KATNA1: variants seen among roughly 807,000 people sequenced by gnomAD.
The protein encoded by KATNA1 is katanin catalytic subunit A1.
KATNA1 carries 42 observed loss-of-function variants against 62.6 expected under a neutral mutation model. That is an observed-to-expected ratio of 0.67 (90% CI 0.52 to 0.87). The LOEUF is 0.87. Among genes scored for constraint, KATNA1 ranks in the 40% least tolerant of loss-of-function variants. KATNA1 has a pLI of 0.00. For synonymous variants in KATNA1, 186 were observed against 201.9 expected (o/e 0.92, Z 0.67); for missense variants, 498 against 612.5 (o/e 0.81, Z 1.97).
intron 10 of KATNA1, 109 bp from the exon 11 acceptor site, chr6:149,595,343 A>ATATT (rs1429903639): frequency 2.9e-6 from 2 of 692,650 alleles, no homozygotes; most frequent in East Asian, 5.4e-5. Context: ...TTCTCTAATT[A>ATATT]TATTACATAT....
rs146408561 is a variant in KATNA1, at chr6:149,601,030, G to A, written c.888+564C>T. On this transcript the variant is annotated intron_variant, in intron 7 of 10. Coordinates refer to ENST00000367411, the MANE Select transcript of KATNA1 (RefSeq NM_007044.4). ...TCTGTTTCTTAGAGGCAAGAGTGAC[G>A]TAATCAGTGAAGCTTAACAAAGTCT... Among the ~76,000 whole-genome samples, 23 of 152,266 alleles carry A rather than the reference G, an allele frequency of 1.5e-4. 1 individual carries two copies. Among genetic ancestry groups the A allele is most frequent in the African/African-American group, 5.1e-4 (21 of 41,554 alleles).
Position 149,595,057 on chromosome 6 carries a change from T to C in KATNA1, c.1455A>G (p.Ile485Met). ...GAATTTAGCATGATCCAAACTCAAA[T>C]ATCCATTTCTCGTATCTTTCAATGT... is the stretch of plus-strand genomic sequence containing the variant. Reference protein sequence around the residue: ...AADIERYEKWIFEFGSC With the variant: ...AADIERYEKWMFEFGSC Residue 485 changes from isoleucine (I) to methionine (M), a missense_variant, in exon 11 of 11, where the codon ATA (isoleucine) becomes ATG (methionine). This residue lies in a region of KATNA1 where 267 missense variants were observed against 372.6 expected (regional missense o/e 0.72). Transcript: ENST00000367411. 6.2e-7 allele frequency: 1 copy of C among 1,613,970 alleles called. No individual in the cohort carries two copies. The highest frequency in any genetic ancestry group is 8.5e-7 in the Non-Finnish European group (1 of 1,179,914).
At chr6:149,645,315 C>T (rs1159286363) in intron 1 of KATNA1, among the ~76,000 whole-genome samples, 2 of 151,956 alleles carry the variant, frequency 1.3e-5, no homozygotes, top group Non-Finnish European at 2.9e-5. Context: ...TGGTGGCCAG[C>T]GCCTGTAGTC....
At chr6:149,596,115 A>C (rs2115071343) in intron 10 of KATNA1, among the ~76,000 whole-genome samples, 1 of 152,326 alleles carries the variant, frequency 6.6e-6, no homozygotes, top group Non-Finnish European at 1.5e-5. Context: ...AATTTATCCT[A>C]ACATTAGCTT....
intron 4 of KATNA1, among the ~76,000 whole-genome samples, chr6:149,609,802 C>CAAAAAAAAAAAA (rs1169018343): frequency 4.6e-5 from 3 of 64,530 alleles, no homozygotes; most frequent in African/African-American, 6.9e-5. Context: ...GACTCCATCT[C>CAAAAAAAAAAAA]AAAAAAAAAA....
At chr6:149,622,275 G>A (rs547866257) in intron 4 of KATNA1, among the ~76,000 whole-genome samples, 2 of 152,190 alleles carry the variant, frequency 1.3e-5, no homozygotes, top group South Asian at 2.1e-4. Context: ...TGGGACTACA[G>A]GCGCCCGCCA....
chr6:149,598,046 C>A, intron 8 of KATNA1, 178 bp downstream of exon 8: 1 of 621,158 alleles, frequency 1.6e-6, no homozygotes, highest in Non-Finnish European at 2.7e-6. Context: ...TGTCAGTGTA[C>A]CAAATCTATT....
At chr6:149,628,706 G>A (rs1479357180) in intron 3 of KATNA1, among the ~76,000 whole-genome samples, 1 of 151,820 alleles carries the variant, frequency 6.6e-6, no homozygotes, top group Non-Finnish European at 1.5e-5. Flanking sequence ...TGTAGTCCCA[G>A]CTACATGGGA....
chr6:149,632,003 A>C (rs1385204614), intron 3 of KATNA1, among the ~76,000 whole-genome samples: 4 of 152,138 alleles, frequency 2.6e-5, no homozygotes, highest in Non-Finnish European at 4.4e-5. Flanking sequence ...ATTTAGAAAA[A>C]TTTTCCATTT....
At chr6:149,618,536 C>T (rs1779269933) in intron 4 of KATNA1, among the ~76,000 whole-genome samples, 3 of 151,936 alleles carry the variant, frequency 2.0e-5, no homozygotes, top group Admixed American at 2.0e-4. Context: ...CCAAAGAGAT[C>T]CTGAGCAAAA....
intron 5 of KATNA1, among the ~76,000 whole-genome samples, 161 bp downstream of exon 5, chr6:149,604,500 C>G (rs941385626): frequency 6.6e-6 from 1 of 152,060 alleles, no homozygotes; most frequent in Non-Finnish European, 1.5e-5. Flanking sequence ...GACTCTCAGA[C>G]AAAAATTGGA....
At chr6:149,606,469 G>A (rs774378510) in intron 4 of KATNA1, among the ~76,000 whole-genome samples, 7 of 152,070 alleles carry the variant, frequency 4.6e-5, no homozygotes, top group Non-Finnish European at 8.8e-5. Flanking sequence ...AACTGGTGCT[G>A]TCTAATGCCA....
At chr6:149,619,834 G>C (rs1039557036) in intron 4 of KATNA1, among the ~76,000 whole-genome samples, 1 of 152,006 alleles carries the variant, frequency 6.6e-6, no homozygotes, top group Non-Finnish European at 1.5e-5. Context: ...AGATTATATG[G>C]TAGTTCTAGT....
At chr6:149,608,576 A>G (rs1778829245) in intron 4 of KATNA1, among the ~76,000 whole-genome samples, 1 of 152,182 alleles carries the variant, frequency 6.6e-6, no homozygotes, top group Non-Finnish European at 1.5e-5. Context: ...AGGACTTTCT[A>G]CTTCTGGAAG....
Position 149,598,298 on chromosome 6 carries a change from C to A in KATNA1, c.941G>T (p.Cys314Phe). 2.5e-6 allele frequency: 4 copies of A among 1,613,900 alleles called. No homozygotes were observed. The highest frequency in any genetic ancestry group is 3.4e-6 in the Non-Finnish European group (4 of 1,179,916). Reference sequence around the variant, plus strand: ...TTCTTCAGAAGTCCCTCGGCGACTACAGATGGAGTCTATCTCATCAATAAA... The same window carrying A: ...TTCTTCAGAAGTCCCTCGGCGACTAAAGATGGAGTCTATCTCATCAATAAA... ...TIFIDEIDSI[C>F]SRRGTSEEHE... The change falls in exon 8 of 11, where the codon TGT becomes TTT. Residue 314 changes from cysteine (C) to phenylalanine (F), a missense_variant. Cys to Phe is a radical substitution (Grantham distance 205, BLOSUM62 -2). This residue lies in a region of KATNA1 where 267 missense variants were observed against 372.6 expected (regional missense o/e 0.72). Coordinates refer to ENST00000367411, the MANE Select transcript of KATNA1 (RefSeq NM_007044.4).
intron 1 of KATNA1, among the ~76,000 whole-genome samples, chr6:149,643,107 G>C (rs1182388187): frequency 2.0e-5 from 3 of 152,228 alleles, no homozygotes; most frequent in African/African-American, 7.2e-5. Flanking sequence ...AGCTGCCTGG[G>C]CAGAGGCTCA....
chr6:149,597,954 T>A (rs911337357), intron 8 of KATNA1: 1 of 472,598 alleles, frequency 2.1e-6, no homozygotes, highest in Admixed American at 3.8e-5. Flanking sequence ...TATTTTTATT[T>A]CAATTTCATA....
intron 4 of KATNA1, among the ~76,000 whole-genome samples, chr6:149,611,310 A>C (rs1203540837): frequency 1.3e-5 from 2 of 151,500 alleles, no homozygotes; most frequent in African/African-American, 4.9e-5. Flanking sequence ...AAAAATACAA[A>C]AATTAGCTGA....
chr6:149,641,061 G>C (rs1780263984), intron 1 of KATNA1, among the ~76,000 whole-genome samples: 1 of 150,548 alleles, frequency 6.6e-6, no homozygotes, highest in Admixed American at 6.7e-5. Context: ...GTAGAGACAG[G>C]GTTTCTCCAT....
Sources: allele counts gnomAD v4.1 joint callset (sites outside exome capture counted in the v4.1 genomes callset), GRCh38; gene constraint gnomAD v4.1.1; regional missense constraint gnomAD v4.1.1; transcripts MANE v1.5; gene names NCBI Gene and HGNC (gene_info 2026-07-23, HGNC 2026-07-21).